BEND2: variants seen among roughly 807,000 people sequenced by gnomAD.
The protein encoded by BEND2 is BEN domain-containing protein 2.
In BEND2, 19 loss-of-function variants were observed where a neutral mutation model predicts 43.8. That is an observed-to-expected ratio of 0.43 (90% confidence interval 0.30 to 0.64). BEND2 has a LOEUF of 0.64. BEND2 is among the 30% of genes least tolerant of loss of function. BEND2 has a pLI of 0.11. For missense variants in BEND2, 544 were observed against 574.0 expected (o/e 0.95, Z 0.53); for synonymous variants, 226 against 210.1 (o/e 1.08, Z -0.66).
intron 2 of BEND2, 58 bp downstream of exon 2, chrX:18,216,463 A>T: frequency 9.7e-7 from 1 of 1,033,581 alleles, no homozygotes; most frequent in Non-Finnish European, 1.4e-6. Context: ...TAAGCAATTT[A>T]CTGGAAATGG....
intron 6 of BEND2, among the ~76,000 whole-genome samples, chrX:18,200,994 CAT>C (rs1925126176): frequency 8.9e-6 from 1 of 112,055 alleles, no homozygotes; most frequent in African/African-American, 3.2e-5. Flanking sequence ...ATGGCTAAAG[CAT>C]AAACAGTTCT....
In BEND2 at chrX:18,175,488, T is replaced by C. The variant is rs150912377; in HGVS notation, c.1752+484A>G. On this transcript the variant is annotated intron_variant, in intron 11 of 13. Transcript: ENST00000380033. ...AGATTTCTGTTACCACATAACTATATGGAGTGTAAAATATCTGTAATCGTT... is the reference window on the plus strand; with the variant it reads ...AGATTTCTGTTACCACATAACTATACGGAGTGTAAAATATCTGTAATCGTT... Among the ~76,000 whole-genome samples the C allele has an allele frequency of 4.4e-5, 5 of 112,420 alleles. No individual in the cohort carries two copies. In the East Asian group the frequency reaches 1.4e-3, roughly 31 times the overall value.
chrX:18,203,397 T>C, intron 5 of BEND2, 104 bp downstream of exon 5: 1 of 943,038 alleles, frequency 1.1e-6, no homozygotes, highest in Non-Finnish European at 1.5e-6. Context: ...GGCTTCAAGA[T>C]AAAACTTTTA....
chrX:18,174,088 G>T lies in BEND2; in HGVS notation c.1923C>A (p.Ile641=). 1 of 1,211,421 alleles carries T rather than the reference G, an allele frequency of 8.3e-7. No homozygotes were observed. The highest frequency in any genetic ancestry group is 1.1e-6 in the Non-Finnish European group (1 of 895,361). Reference sequence around the variant, plus strand: ...TGGAAGGTTCTCGCATTCCTTCAGGGATAGCATTACTGTTTGGCTGCAAGT... The same window carrying T: ...TGGAAGGTTCTCGCATTCCTTCAGGTATAGCATTACTGTTTGGCTGCAAGT... The part of the protein sequence containing the change: ...KRNLQPNSNA[I]PEGMREPSTD... Residue 641 remains isoleucine (I), a synonymous_variant, in exon 12 of 14, where the codon ATC becomes ATA. Transcript: ENST00000380033.
intron 4 of BEND2, among the ~76,000 whole-genome samples, chrX:18,210,346 G>GA (rs1236553302): frequency 1.8e-5 from 2 of 111,606 alleles, no homozygotes; most frequent in African/African-American, 6.5e-5. Flanking sequence ...ATTGTCTAAG[G>GA]AAAAATTATT....
intron 13 of BEND2, among the ~76,000 whole-genome samples, chrX:18,165,844 G>A (rs1054700499): frequency 9.0e-6 from 1 of 111,630 alleles, no homozygotes; most frequent in Non-Finnish European, 1.9e-5. Context: ...GCTGCCCTCG[G>A]ACACATCATT....
intron 8 of BEND2, among the ~76,000 whole-genome samples, chrX:18,181,392 T>C (rs767930709): frequency 1.8e-5 from 2 of 111,153 alleles, no homozygotes; most frequent in Non-Finnish European, 1.9e-5. Context: ...TTATTTGTGA[T>C]AGCCAAAACC....
At position 18,184,836 on chromosome X, in the gene BEND2, C is replaced by T. The variant is rs1190624141; in HGVS notation, c.1289-4186G>A. 2.7e-5 allele frequency among the ~76,000 whole-genome samples: 3 copies of T among 111,029 alleles called. No homozygotes were observed. In the Admixed American group the frequency reaches 2.9e-4, roughly 11 times the overall value. On this transcript the variant is annotated intron_variant, in intron 8 of 13. Coordinates refer to ENST00000380033, the MANE Select transcript of BEND2 (RefSeq NM_153346.5). ...ATGAAATAAGGCACCAGGGACCAAT[C>T]CCAGAGAAACAGAGATATCTGACCT...
At chrX:18,198,339 C>G (rs1480369338) in intron 6 of BEND2, among the ~76,000 whole-genome samples, 14 of 110,123 alleles carry the variant, frequency 1.3e-4, no homozygotes, top group Non-Finnish European at 2.3e-4. Flanking sequence ...CTACAATGAA[C>G]TCAAACAAAT....
At chrX:18,202,996 TG>T (rs770114007) in intron 5 of BEND2, among the ~76,000 whole-genome samples, 231 of 111,652 alleles carry the variant, frequency 2.1e-3, no homozygotes, top group African/African-American at 7.4e-3. Context: ...CAGGGGATTA[TG>T]TTGAGTAAAA....
At position 18,201,892 on chromosome X, in the gene BEND2, G is replaced by C. The variant is rs780303734; in HGVS notation, c.956C>G (p.Ala319Gly). 2.5e-6 allele frequency: 3 copies of C among 1,209,572 alleles called. No individual in the cohort carries two copies. Among genetic ancestry groups the C allele is most frequent in the Admixed American group, 2.2e-5 (1 of 45,708 alleles). ...ANSSKNSTET[A>G]NYPTLMGNYN... ...ATTTCCCATTAAAGTTGGATAATTCGCTGTCTCAGTGCTGTTTTTACTGCT... is the reference window on the plus strand; with the variant it reads ...ATTTCCCATTAAAGTTGGATAATTCCCTGTCTCAGTGCTGTTTTTACTGCT... Residue 319 changes from alanine to glycine, a missense_variant, in exon 6 of 14, where the codon GCG becomes GGG. Ala to Gly is a moderately conservative substitution (Grantham distance 60). This residue lies in a region of BEND2 where 501 missense variants were observed against 501.6 expected (regional missense o/e 1.00). Coordinates refer to ENST00000380033, the MANE Select transcript of BEND2 (RefSeq NM_153346.5).
intron 4 of BEND2, among the ~76,000 whole-genome samples, chrX:18,211,640 G>T (rs1602053775): frequency 9.0e-6 from 1 of 111,046 alleles, no homozygotes; most frequent in African/African-American, 3.3e-5. Flanking sequence ...AAAATTAGCC[G>T]AATGTGGTGG....
chrX:18,168,037 T>C (rs1213224320), intron 13 of BEND2, among the ~76,000 whole-genome samples: 3 of 112,585 alleles, frequency 2.7e-5, no homozygotes, highest in East Asian at 5.6e-4. Context: ...AATGTTAATA[T>C]TTCACTGAAA....
intron 7 of BEND2, 133 bp downstream of exon 7, chrX:18,195,163 C>T (rs1602043555): frequency 5.2e-6 from 4 of 774,943 alleles, no homozygotes; most frequent in East Asian, 7.7e-5. Flanking sequence ...TTTCTTATAC[C>T]TGTGTATGAT....
At chrX:18,180,486 T>C (rs369990972) in intron 9 of BEND2, 24 bp downstream of exon 9, 19 of 1,204,879 alleles carry the variant, frequency 1.6e-5, no homozygotes, top group African/African-American at 8.7e-5. Context: ...GTGCCACTTA[T>C]AATGTGTGTT....
chrX:18,203,324 G>T (rs1229019190), intron 5 of BEND2, among the ~76,000 whole-genome samples, 177 bp downstream of exon 5: 6 of 111,457 alleles, frequency 5.4e-5, no homozygotes, highest in Non-Finnish European at 1.1e-4. Context: ...GTTACCACTG[G>T]GGAAAATTGG....
At chrX:18,176,148 T>C (rs1322757196) in intron 10 of BEND2, 55 bp from the exon 11 acceptor site, 6 of 1,118,472 alleles carry the variant, frequency 5.4e-6, no homozygotes, top group Non-Finnish European at 7.1e-6. Flanking sequence ...AACAAACTAA[T>C]GAAAAATTTT....
intron 13 of BEND2, among the ~76,000 whole-genome samples, 173 bp from the exon 14 acceptor site, chrX:18,165,396 A>G (rs1923796701): frequency 8.9e-6 from 1 of 112,309 alleles, no homozygotes. Flanking sequence ...TTTAATCTAA[A>G]AAGAGAACTA....
At chrX:18,196,000 T>C (rs1166080982) in intron 6 of BEND2, among the ~76,000 whole-genome samples, 2 of 111,091 alleles carry the variant, frequency 1.8e-5, no homozygotes, top group Non-Finnish European at 3.8e-5. Flanking sequence ...GAAAGACTGA[T>C]AGAAAGACCA....
Sources: gnomAD v4.1 joint callset for allele counts (sites outside exome capture counted in the v4.1 genomes callset) on GRCh38, gnomAD v4.1.1 for gene constraint, gnomAD v4.1.1 regional missense constraint, MANE v1.5 for transcripts, NCBI Gene and HGNC (gene_info 2026-07-23, HGNC 2026-07-21) for gene names.